The following ZNF131 variants were observed in gnomAD, a reference collection of about 807,000 sequenced individuals.
The protein encoded by ZNF131 is zinc finger and BTB domain containing 35.
A neutral mutation model predicts 60.0 loss-of-function variants in ZNF131; 7 were observed. That is an observed-to-expected ratio of 0.12 (90% CI 0.07 to 0.22). The LOEUF (loss-of-function observed/expected upper bound fraction) is 0.22. Among genes scored for constraint, ZNF131 ranks in the 10% least tolerant of loss-of-function variants. ZNF131 has a pLI of 1.00. For missense variants in ZNF131, 493 were observed against 740.9 expected (o/e 0.67, Z 3.88); for synonymous variants, 257 against 253.2 (o/e 1.01, Z -0.14).
At chr5:43,169,492 G>C (rs959356229) in intron 5 of ZNF131, among the ~76,000 whole-genome samples, 1 of 152,180 alleles carries the variant, frequency 6.6e-6, no homozygotes. Flanking sequence ...GCTCAGGTAC[G>C]CATGCTTTTG....
chr5:43,124,912 C>T (rs1744321972), intron 3 of ZNF131: 1 of 152,078 alleles, frequency 6.6e-6, no homozygotes, highest in African/African-American at 2.4e-5. Context: ...TGCCTGTGGT[C>T]CCAGCTATTC....
At chr5:43,173,258 A>G (rs920556262) in intron 5 of ZNF131, 60 bp from the exon 6 acceptor site, 4 of 1,437,926 alleles carry the variant, frequency 2.8e-6, no homozygotes, top group East Asian at 2.3e-5. Flanking sequence ...AAACGTTTAA[A>G]ATTATTTGCT....
intron 4 of ZNF131, among the ~76,000 whole-genome samples, chr5:43,158,529 A>G (rs1749242416): frequency 6.6e-6 from 1 of 151,988 alleles, no homozygotes; most frequent in Non-Finnish European, 1.5e-5. Flanking sequence ...ACCTCAGTTG[A>G]TCCTCCCGCC....
intron 5 of ZNF131, among the ~76,000 whole-genome samples, chr5:43,165,792 C>T (rs1026863693): frequency 6.6e-6 from 1 of 152,184 alleles, no homozygotes; most frequent in Non-Finnish European, 1.5e-5. Flanking sequence ...GCTTTGAAGC[C>T]AGTCATTGAC....
intron 3 of ZNF131, 116 bp from the exon 4 acceptor site, chr5:43,139,049 A>G: frequency 1.1e-6 from 1 of 900,798 alleles, no homozygotes; most frequent in Admixed American, 3.2e-5. Flanking sequence ...TCCAGAAAAT[A>G]GTTTTCAAAA....
At chr5:43,148,248 A>G (rs1747877071) in intron 4 of ZNF131, among the ~76,000 whole-genome samples, 1 of 151,854 alleles carries the variant, frequency 6.6e-6, no homozygotes. Flanking sequence ...GTGTGGTGGC[A>G]CATGCCTGTA....
intron 4 of ZNF131, among the ~76,000 whole-genome samples, chr5:43,150,796 CAG>C (rs1748208945): frequency 6.6e-6 from 1 of 151,836 alleles, no homozygotes; most frequent in Admixed American, 6.6e-5. Flanking sequence ...ACAAAAAACA[CAG>C]GGACCAGGAC....
At chr5:43,136,963 G>A (rs1000859919) in intron 3 of ZNF131, among the ~76,000 whole-genome samples, 1 of 151,962 alleles carries the variant, frequency 6.6e-6, no homozygotes, top group African/African-American at 2.4e-5. Flanking sequence ...CAATAAGGAA[G>A]GAATGTTTTC....
chr5:43,174,376 G>T (rs1038133853), intron 6 of ZNF131, 71 bp from the exon 7 acceptor site: 2 of 1,328,406 alleles, frequency 1.5e-6, no homozygotes, highest in Non-Finnish European at 2.0e-6. Flanking sequence ...TCTTTACAGA[G>T]AATAAATGCA....
At chr5:43,130,300 T>G (rs1579724781) in intron 3 of ZNF131, among the ~76,000 whole-genome samples, 2 of 114,468 alleles carry the variant, frequency 1.7e-5, no homozygotes, top group South Asian at 3.0e-4. Flanking sequence ...GTAGAGGCAA[T>G]GTAGCTGAGA....
rs1296371334 is a variant in ZNF131 at position 43,174,834 on chromosome 5, C to T, written c.1573C>T (p.Leu525=). 6.2e-7 allele frequency: 1 copy of T among 1,614,192 alleles called. No individual in the cohort carries two copies. Among genetic ancestry groups the T allele is most frequent in the South Asian group, 1.1e-5 (1 of 91,086 alleles). Residue 525 remains leucine, a synonymous_variant, in exon 7 of 7, where the codon CTA becomes TTA. Coordinates refer to ENST00000682664, the MANE Select transcript of ZNF131 (RefSeq NM_001330707.2). ...TCCAGAGCAGGTCCAAGTGAGTTAT[C>T]TAGAAGTGGGCCGAATTCAGACTGA... The part of the protein sequence containing the change: ...ELPEQVQVSY[L]EVGRIQTEEG...
At chr5:43,160,751 T>C (rs1749590633) in intron 4 of ZNF131, among the ~76,000 whole-genome samples, 1 of 150,346 alleles carries the variant, frequency 6.7e-6, no homozygotes, top group Non-Finnish European at 1.5e-5. Context: ...TGGTGCGATC[T>C]TGGCTCACCC....
intron 4 of ZNF131, among the ~76,000 whole-genome samples, chr5:43,149,037 T>C (rs980144959): frequency 1.3e-4 from 20 of 152,232 alleles, no homozygotes; most frequent in Admixed American, 2.6e-4. Context: ...CCCAGCACTT[T>C]GGCAGGCCGA....
intron 4 of ZNF131, among the ~76,000 whole-genome samples, chr5:43,159,309 A>G (rs1749344592): frequency 6.6e-6 from 1 of 152,188 alleles, no homozygotes; most frequent in African/African-American, 2.4e-5. Context: ...GATGTGAGGA[A>G]ACTGAAGAGA....
At chr5:43,122,975 A>G (rs1744064891) in intron 2 of ZNF131, among the ~76,000 whole-genome samples, 1 of 152,238 alleles carries the variant, frequency 6.6e-6, no homozygotes, top group East Asian at 1.9e-4. Context: ...GTTGTAAATT[A>G]GGCTTTATAA....
At chr5:43,147,825 C>T (rs1747808712) in intron 4 of ZNF131, among the ~76,000 whole-genome samples, 1 of 151,498 alleles carries the variant, frequency 6.6e-6, no homozygotes, top group African/African-American at 2.4e-5. Context: ...GATGCCGAGG[C>T]AGGTGGATCA....
chr5:43,123,647 G>A (rs756131246), intron 3 of ZNF131: 1 of 188,576 alleles, frequency 5.3e-6, no homozygotes, highest in East Asian at 1.5e-4. Context: ...TTGTTCAGTG[G>A]GCTTATGTTT....
chr5:43,173,191 G>C, intron 5 of ZNF131, 127 bp from the exon 6 acceptor site: 1 of 1,016,448 alleles, frequency 9.8e-7, no homozygotes, highest in East Asian at 2.7e-5. Flanking sequence ...TTTGAATTCT[G>C]AATTGTGATT....
At chr5:43,131,888 A>G (rs943798747) in intron 3 of ZNF131, among the ~76,000 whole-genome samples, 5 of 152,112 alleles carry the variant, frequency 3.3e-5, no homozygotes, top group African/African-American at 1.2e-4. Flanking sequence ...TGTATCTTCA[A>G]ACTTTTCCAA....
Sources: allele counts gnomAD v4.1 joint callset (sites outside exome capture counted in the v4.1 genomes callset), GRCh38; gene constraint gnomAD v4.1.1; transcripts MANE v1.5; gene names NCBI Gene and HGNC (gene_info 2026-07-23, HGNC 2026-07-21).